COL24A1: variants seen among roughly 807,000 people sequenced by gnomAD.
COL24A1 encodes the protein collagen type XXIV alpha 1 chain.
In COL24A1, 224 loss-of-function variants were observed where a neutral mutation model predicts 253.9. That is an observed-to-expected ratio of 0.88 (90% CI 0.79 to 0.99). The LOEUF (loss-of-function observed/expected upper bound fraction) is 0.99, where lower values mean the gene tolerates loss of function less well. Ranked by LOEUF, COL24A1 falls within the 50% of genes least tolerant of loss-of-function variation. The pLI, the probability that COL24A1 is intolerant of heterozygous loss-of-function variation, is 0.00. For missense variants in COL24A1, 2,131 were observed against 2,068.5 expected, an observed-to-expected ratio of 1.03 and a Z score of -0.59; for synonymous variants, 685 against 673.7, an observed-to-expected ratio of 1.02 and a Z score of -0.26.
chr1:85,771,027 G>A (rs1377201072), intron 53 of COL24A1, among the ~76,000 whole-genome samples: 7 of 152,272 alleles, frequency 4.6e-5, no homozygotes, highest in South Asian at 2.1e-4. Flanking sequence ...ACAGTGATCC[G>A]GGAAGAAGTG....
chr1:85,872,824 C>A (rs1680686247), intron 35 of COL24A1, among the ~76,000 whole-genome samples: 1 of 152,058 alleles, frequency 6.6e-6, no homozygotes, highest in African/African-American at 2.4e-5. Context: ...CAACAAAAGC[C>A]AAAATTGACA....
chr1:86,148,270 T>C (rs886637681), intron 1 of COL24A1, among the ~76,000 whole-genome samples: 4 of 152,124 alleles, frequency 2.6e-5, no homozygotes. Flanking sequence ...CTGCAACCTC[T>C]GCTTGCCAGG....
chr1:86,005,904 C>T (rs1695906438), intron 19 of COL24A1, among the ~76,000 whole-genome samples: 1 of 152,088 alleles, frequency 6.6e-6, no homozygotes, highest in African/African-American at 2.4e-5. Flanking sequence ...AGTTAACTGA[C>T]TTCTTGTATA....
intron 24 of COL24A1, among the ~76,000 whole-genome samples, chr1:85,958,648 T>C (rs1006711942): frequency 6.6e-6 from 1 of 152,160 alleles, no homozygotes; most frequent in African/African-American, 2.4e-5. Flanking sequence ...TGTTCCCTTA[T>C]AATGTCTATC....
At chr1:85,879,535 G>T (rs1420583293) in intron 32 of COL24A1, among the ~76,000 whole-genome samples, 2 of 152,220 alleles carry the variant, frequency 1.3e-5, no homozygotes, top group East Asian at 3.9e-4. Context: ...CCAACCTCCT[G>T]CAGAGTTAAA....
chr1:85,741,282 GTGTT>G (rs1474983494), intron 57 of COL24A1, among the ~76,000 whole-genome samples: 5 of 152,146 alleles, frequency 3.3e-5, no homozygotes, highest in Admixed American at 1.3e-4. Flanking sequence ...GTCAACTTGT[GTGTT>G]TGGTTGTTGA....
intron 39 of COL24A1, among the ~76,000 whole-genome samples, chr1:85,846,330 G>T (rs191797267): frequency 6.6e-6 from 1 of 151,830 alleles, no homozygotes; most frequent in East Asian, 1.9e-4. Context: ...TATACTTTAG[G>T]TAGGGGAGGC....
chr1:86,052,232 A>G (rs1462765113), intron 10 of COL24A1, among the ~76,000 whole-genome samples: 1 of 152,126 alleles, frequency 6.6e-6, no homozygotes, highest in African/African-American at 2.4e-5. Flanking sequence ...AAATACTTCC[A>G]TAATAACAAA....
chr1:85,967,009 TAGGAGAG>T (rs1691635508), intron 22 of COL24A1, among the ~76,000 whole-genome samples: 2 of 152,146 alleles, frequency 1.3e-5, no homozygotes. Context: ...AAAGAATATG[TAGGAGAG>T]ACAGAGGGAA....
chr1:85,913,560 C>G (rs1685578624), intron 24 of COL24A1, among the ~76,000 whole-genome samples: 1 of 152,176 alleles, frequency 6.6e-6, no homozygotes, highest in South Asian at 2.1e-4. Context: ...GATGATTCCA[C>G]TGAACTAGAA....
intron 51 of COL24A1, 35 bp downstream of exon 51, chr1:85,783,461 A>G (rs1199642703): frequency 6.3e-7 from 1 of 1,597,180 alleles, no homozygotes; most frequent in Admixed American, 1.7e-5. Flanking sequence ...GCAAAGAACC[A>G]CAATTTCTGG....
chr1:86,058,782 A>C (rs1700848301), intron 9 of COL24A1, among the ~76,000 whole-genome samples: 1 of 152,090 alleles, frequency 6.6e-6, no homozygotes, highest in South Asian at 2.1e-4. Context: ...TATTACAGAG[A>C]GTCTTAACTC....
chr1:86,111,432 A>G (rs991048228), intron 5 of COL24A1, among the ~76,000 whole-genome samples: 6 of 150,870 alleles, frequency 4.0e-5, no homozygotes, highest in Admixed American at 2.6e-4. Flanking sequence ...ACCAATCAGC[A>G]CTCAGTGTAT....
chr1:85,878,660 C>G (rs1296003338), intron 32 of COL24A1, among the ~76,000 whole-genome samples: 1 of 152,216 alleles, frequency 6.6e-6, no homozygotes, highest in Non-Finnish European at 1.5e-5. Flanking sequence ...AACTGCCATA[C>G]TGTCTTCCAA....
chr1:85,858,640 C>CTTCCT (rs2102414274), intron 37 of COL24A1, among the ~76,000 whole-genome samples: 1 of 69,648 alleles, frequency 1.4e-5, no homozygotes, highest in Non-Finnish European at 3.7e-5. Context: ...TCCTTCCTTC[C>CTTCCT]TTCCTTCCTT....
chr1:85,874,672 C>T lies in COL24A1; in HGVS notation c.3115G>A (p.Gly1039Arg), dbSNP rs767233670. ...ACCCGTAAACCTGGTTCCCCAGTTC[C>T]TCCAACACTGCCAGCAGTTCCAACA... ...GDVGTAGSVG[G>R]TGEPGLRGEP... Residue 1039 changes from glycine to arginine, a missense_variant, in exon 35 of 60, where the codon GGA becomes AGA. Gly to Arg is a moderately radical substitution (Grantham distance 125). Transcript: ENST00000370571. 45 of 1,612,526 alleles carry T rather than the reference C, an allele frequency of 2.8e-5. No homozygotes were observed. Among genetic ancestry groups the T allele is most frequent in the Middle Eastern group, 2.1e-4 (1 of 4,830 alleles).
intron 43 of COL24A1, among the ~76,000 whole-genome samples, chr1:85,830,485 G>C (rs1675075456): frequency 6.6e-6 from 1 of 152,154 alleles, no homozygotes; most frequent in Non-Finnish European, 1.5e-5. Context: ...GTTTACCTAA[G>C]TGAGCCTGGG....
At chr1:85,733,558 A>T (rs1663730048) in intron 59 of COL24A1, among the ~76,000 whole-genome samples, 1 of 151,536 alleles carries the variant, frequency 6.6e-6, no homozygotes, top group Admixed American at 6.6e-5. Flanking sequence ...AAAATTATAG[A>T]TTTTTCATAG....
intron 53 of COL24A1, among the ~76,000 whole-genome samples, chr1:85,774,424 G>A (rs1668311972): frequency 6.6e-6 from 1 of 152,068 alleles, no homozygotes; most frequent in Non-Finnish European, 1.5e-5. Context: ...TCTATTGATC[G>A]GAATAGTTTC....
Sources: gnomAD v4.1 joint callset for allele counts (sites outside exome capture counted in the v4.1 genomes callset) on GRCh38, gnomAD v4.1.1 for gene constraint, MANE v1.5 for transcripts, NCBI Gene and HGNC (gene_info 2026-07-23, HGNC 2026-07-21) for gene names.